The following GALNT13 variants were observed in gnomAD, a reference collection of about 807,000 sequenced individuals.
GALNT13 encodes the protein UDP-GalNAc:polypeptide N-acetylgalactosaminyltransferase 13.
In GALNT13, 28 loss-of-function variants were observed where a neutral mutation model predicts 64.2. That is an observed-to-expected ratio of 0.44 (90% CI 0.32 to 0.60). GALNT13 has a LOEUF of 0.60. Ranked by LOEUF, GALNT13 falls within the 20% of genes least tolerant of loss-of-function variation. The pLI, the probability that GALNT13 is intolerant of heterozygous loss-of-function variation, is 0.05. For synonymous variants in GALNT13, 214 were observed against 224.6 expected (o/e 0.95, Z 0.42); for missense variants, 577 against 669.8 (o/e 0.86, Z 1.53).
At chr2:153,725,611 A>G in the GALNT13 span, among the ~76,000 whole-genome samples, 3 of 152,044 alleles carry the variant, frequency 2.0e-5, no homozygotes, top group East Asian at 5.8e-4. Flanking sequence ...AATTTTAAGA[A>G]GATTTTTTGG....
intron 4 of GALNT13, among the ~76,000 whole-genome samples, chr2:154,172,610 G>A (rs1685421565): frequency 6.6e-6 from 1 of 151,840 alleles, no homozygotes; most frequent in Non-Finnish European, 1.5e-5. Flanking sequence ...TGCTGCAAAT[G>A]ATAGGATTTC....
At chr2:153,123,189 G>A in the GALNT13 span, among the ~76,000 whole-genome samples, 1 of 152,142 alleles carries the variant, frequency 6.6e-6, no homozygotes, top group South Asian at 2.1e-4. Context: ...CTGCAAGCTA[G>A]GAAACACCAA....
intron 4 of GALNT13, among the ~76,000 whole-genome samples, chr2:154,147,107 A>G (rs904581765): frequency 2.6e-5 from 4 of 152,100 alleles, no homozygotes; most frequent in Middle Eastern, 3.4e-3. Context: ...ATTGTTGTGC[A>G]ATGAATCTTT....
At chr2:154,191,972 G>A (rs2105757578) in intron 4 of GALNT13, among the ~76,000 whole-genome samples, 1 of 152,290 alleles carries the variant, frequency 6.6e-6, no homozygotes, top group South Asian at 2.1e-4. Flanking sequence ...TCACATGTGG[G>A]CTTGGAGAAT....
chr2:153,975,104 T>G (rs1241787669), intron 3 of GALNT13, among the ~76,000 whole-genome samples: 2 of 152,120 alleles, frequency 1.3e-5, no homozygotes, highest in Non-Finnish European at 2.9e-5. Flanking sequence ...AAAAAGAATT[T>G]CAGCAAAGCT....
At chr2:154,327,882 T>C (rs1397181332) in intron 9 of GALNT13, among the ~76,000 whole-genome samples, 1 of 152,146 alleles carries the variant, frequency 6.6e-6, no homozygotes, top group African/African-American at 2.4e-5. Context: ...AAATTAGCTT[T>C]TTAAGTTTTC....
chr2:153,567,352 T>A, the GALNT13 span, among the ~76,000 whole-genome samples: 1 of 152,318 alleles, frequency 6.6e-6, no homozygotes, highest in South Asian at 2.1e-4. Flanking sequence ...GATAGACAGA[T>A]GCATAATGTA....
At chr2:153,849,320 C>G in the GALNT13 span, among the ~76,000 whole-genome samples, 1 of 151,960 alleles carries the variant, frequency 6.6e-6, no homozygotes, top group Admixed American at 6.6e-5. Flanking sequence ...AGTGAAATAC[C>G]TAGTTTTCCC....
At chr2:153,297,615 C>T in the GALNT13 span, among the ~76,000 whole-genome samples, 3 of 152,120 alleles carry the variant, frequency 2.0e-5, no homozygotes, top group African/African-American at 7.2e-5. Flanking sequence ...TAGGCACTAA[C>T]TTTATTGTAA....
At chr2:154,208,667 T>TGTGG (rs1687606609) in intron 4 of GALNT13, among the ~76,000 whole-genome samples, 2 of 142,178 alleles carry the variant, frequency 1.4e-5, no homozygotes, top group South Asian at 4.4e-4. Flanking sequence ...TGTGTGTGTG[T>TGTGG]GTAGCTAATT....
the GALNT13 span, among the ~76,000 whole-genome samples, chr2:153,305,573 A>G: frequency 6.6e-6 from 1 of 152,170 alleles, no homozygotes; most frequent in Admixed American, 6.5e-5. Context: ...GGTTGTACAA[A>G]TTGAATAGAA....
At chr2:153,715,097 A>C in the GALNT13 span, among the ~76,000 whole-genome samples, 2 of 152,200 alleles carry the variant, frequency 1.3e-5, no homozygotes, top group African/African-American at 4.8e-5. Context: ...ATCAGCTTGC[A>C]AAGAATAGGA....
chr2:153,967,156 A>G (rs1437817490), intron 3 of GALNT13, among the ~76,000 whole-genome samples: 1 of 152,156 alleles, frequency 6.6e-6, no homozygotes, highest in Non-Finnish European at 1.5e-5. Context: ...AATTTGCTGA[A>G]CTTCCTAAGA....
At chr2:153,473,707 T>C in the GALNT13 span, among the ~76,000 whole-genome samples, 1 of 152,176 alleles carries the variant, frequency 6.6e-6, no homozygotes, top group Admixed American at 6.5e-5. Context: ...ATCTTTCCTG[T>C]CATTGTAACC....
chr2:153,956,021 A>G (rs1187017039), intron 3 of GALNT13, among the ~76,000 whole-genome samples: 1 of 152,194 alleles, frequency 6.6e-6, no homozygotes, highest in Non-Finnish European at 1.5e-5. Context: ...ACAAAACCCA[A>G]AATCCATAGG....
chr2:153,203,627 A>G, the GALNT13 span, among the ~76,000 whole-genome samples: 1 of 152,130 alleles, frequency 6.6e-6, no homozygotes, highest in Non-Finnish European at 1.5e-5. Context: ...CCACAAACAC[A>G]CTGTTAATCT....
the GALNT13 span, among the ~76,000 whole-genome samples, chr2:153,356,923 G>A: frequency 8.1e-4 from 121 of 150,022 alleles, no homozygotes; most frequent in African/African-American, 2.7e-3. Flanking sequence ...TCAGCCTCCC[G>A]AGTAGCTGGG....
chr2:154,099,992 T>C (rs988955693), intron 3 of GALNT13, among the ~76,000 whole-genome samples: 1 of 152,104 alleles, frequency 6.6e-6, no homozygotes, highest in African/African-American at 2.4e-5. Flanking sequence ...TTTATTTTTG[T>C]TGACTTTGTT....
At chr2:153,809,945 C>A in the GALNT13 span, among the ~76,000 whole-genome samples, 1 of 151,794 alleles carries the variant, frequency 6.6e-6, no homozygotes, top group African/African-American at 2.4e-5. Context: ...TATGCTATAA[C>A]ATTTCTTTGT....
Sources: allele counts gnomAD v4.1 joint callset (sites outside exome capture counted in the v4.1 genomes callset), GRCh38; gene constraint gnomAD v4.1.1; transcripts MANE v1.5; gene names NCBI Gene and HGNC (gene_info 2026-07-23, HGNC 2026-07-21).